The following TRPM8 variants were observed in gnomAD, a reference collection of about 807,000 sequenced individuals.
TRPM8 encodes TRPM8 cationic channel.
Under a neutral mutation model 133.7 loss-of-function variants are expected in TRPM8, and 110 were observed. The ratio of observed to expected loss-of-function variants is 0.82; its 90% CI spans 0.70 to 0.96. The LOEUF (loss-of-function observed/expected upper bound fraction) is 0.96, where lower values mean the gene tolerates loss of function less well. Ranked by LOEUF, TRPM8 falls within the 40% of genes least tolerant of loss-of-function variation. TRPM8 has a pLI of 0.00. For missense variants in TRPM8, 1,291 were observed against 1,379.5 expected (o/e 0.94, Z 1.02); for synonymous variants, 535 against 532.3 (o/e 1.01, Z -0.07).
At chr2:233,970,468 T>C in intron 17 of TRPM8, 42 bp downstream of exon 17, 1 of 1,561,410 alleles carries the variant, frequency 6.4e-7, no homozygotes, top group Non-Finnish European at 8.8e-7. Flanking sequence ...GCTTCCTCGG[T>C]GGGAGGCATC....
At chr2:233,977,141 C>T (rs1321335518) in intron 17 of TRPM8, among the ~76,000 whole-genome samples, 4 of 152,076 alleles carry the variant, frequency 2.6e-5, no homozygotes, top group African/African-American at 7.2e-5. Flanking sequence ...AATTTTGAAA[C>T]GAGGCAGTCA....
At chr2:233,919,307 C>T (rs973361988) in intron 1 of TRPM8, among the ~76,000 whole-genome samples, 17 of 152,234 alleles carry the variant, frequency 1.1e-4, no homozygotes, top group Admixed American at 2.0e-4. Context: ...AATAGTACCA[C>T]GGCCAACCTC....
chr2:233,968,159 T>C (rs573833347), intron 15 of TRPM8: 1 of 152,222 alleles, frequency 6.6e-6, no homozygotes, highest in South Asian at 2.1e-4. Flanking sequence ...GGCGTCTGCA[T>C]CACCCCAGCA....
chr2:233,970,426 G>C lies in TRPM8; in HGVS notation c.2355G>C (p.Gln785His). Residue 785 changes from glutamine (Q) to histidine (H), a missense_variant and splice_region_variant, in exon 17 of 26, where the codon CAG becomes CAC. Gln to His is a conservative substitution (Grantham distance 24). Around this residue, in one of 2 missense-constraint regions of TRPM8, gnomAD observed 328 missense variants for 410.6 expected, o/e 0.80. Transcript: ENST00000324695. ...VFVLFCDEVR[Q>H]WYVNGVNYFT... Reference sequence around the variant, plus strand: ...TCCTCTTCTGTGATGAAGTGAGACAGGTAGGGCTGCCATGACAGCAGGAAC... The same window carrying C: ...TCCTCTTCTGTGATGAAGTGAGACACGTAGGGCTGCCATGACAGCAGGAAC... 6.2e-7 allele frequency: 1 copy of C among 1,613,804 alleles called. No individual in the cohort carries two copies.
In TRPM8 at chr2:233,942,577, T is replaced by C. The variant is rs188698351; in HGVS notation, c.528T>C (p.Gly176=). 6.2e-7 allele frequency: 1 copy of C among 1,614,166 alleles called. No homozygotes were observed. Among genetic ancestry groups the C allele is most frequent in the Admixed American group, 1.7e-5 (1 of 60,034 alleles). Residue 176 remains glycine, a splice_region_variant and synonymous_variant, in exon 6 of 26, where the codon GGT becomes GGC. Transcript: ENST00000324695. ...SRLIYIAQSK[G]AWILTGGTHY... ...TTTACTCTTCCTATTTGTTGACAGG[T>C]GCTTGGATTCTCACGGGAGGCACCC...
intron 1 of TRPM8, among the ~76,000 whole-genome samples, chr2:233,918,384 A>T (rs926883730): frequency 6.6e-6 from 1 of 151,182 alleles, no homozygotes; most frequent in Middle Eastern, 3.2e-3. Context: ...ATTACAATTT[A>T]TAATAATAAT....
chr2:233,951,922 A>G (rs182036575), intron 9 of TRPM8, among the ~76,000 whole-genome samples: 1 of 152,262 alleles, frequency 6.6e-6, no homozygotes, highest in African/African-American at 2.4e-5. Flanking sequence ...GACTATGTGG[A>G]CAAGCAGCCC....
chr2:233,919,694 G>A (rs574342579), intron 1 of TRPM8, among the ~76,000 whole-genome samples: 8 of 151,990 alleles, frequency 5.3e-5, no homozygotes, highest in South Asian at 2.1e-4. Context: ...TTTATTACAA[G>A]TACAGTGCCT....
Position 233,969,784 on chromosome 2 carries a change from G to C in TRPM8, c.2115G>C (p.Val705=), listed in dbSNP as rs1203988281. 9 of 1,613,150 alleles carry C rather than the reference G, an allele frequency of 5.6e-6. No homozygotes were observed. Among genetic ancestry groups the C allele is most frequent in the Non-Finnish European group, 7.6e-6 (9 of 1,179,122 alleles). The change falls in exon 16 of 26, where the codon GTG becomes GTC. Residue 705 remains valine (V), a synonymous_variant. Transcript: ENST00000324695. The part of the protein sequence containing the change: ...IILCLFIIPL[V]GCGFVSFRKK... ...TGTGTCTGTTTATTATACCCTTGGT[G>C]GGCTGTGGCTTTGTATCATTTAGGT... is the stretch of plus-strand genomic sequence containing the variant.
At chr2:233,931,887 G>T (rs1691686264) in intron 3 of TRPM8, among the ~76,000 whole-genome samples, 1 of 152,178 alleles carries the variant, frequency 6.6e-6, no homozygotes, top group African/African-American at 2.4e-5. Flanking sequence ...CAACCTCCTT[G>T]CAAGGAAGCT....
intron 1 of TRPM8, among the ~76,000 whole-genome samples, chr2:233,922,969 C>T (rs1370037625): frequency 3.3e-5 from 5 of 152,048 alleles, no homozygotes; most frequent in South Asian, 2.1e-4. Flanking sequence ...CCCAGGTTCA[C>T]GCATTCTCCT....
chr2:233,970,178 G>A, intron 16 of TRPM8, 32 bp from the exon 17 acceptor site: 1 of 1,594,778 alleles, frequency 6.3e-7, no homozygotes, highest in South Asian at 1.1e-5. Context: ...TGCTTGCAAG[G>A]ATGCTGACGA....
chr2:233,996,108 A>C (rs78919064), intron 21 of TRPM8, among the ~76,000 whole-genome samples: 1 of 150,522 alleles, frequency 6.6e-6, no homozygotes, highest in African/African-American at 2.4e-5. Flanking sequence ...AAAAAAAAAA[A>C]CCACCAAAAG....
At chr2:233,988,760 T>A (rs1471969413) in intron 21 of TRPM8, among the ~76,000 whole-genome samples, 8 of 152,174 alleles carry the variant, frequency 5.3e-5, no homozygotes, top group Non-Finnish European at 1.2e-4. Flanking sequence ...CAGAAGCCTG[T>A]CTGACTCACA....
At position 233,989,198 on chromosome 2, in the gene TRPM8, T is replaced by G. The variant is rs1692217395; in HGVS notation, c.2939+3333T>G. 6.6e-6 allele frequency among the ~76,000 whole-genome samples: 1 copy of G among 152,212 alleles called. No individual in the cohort carries two copies. Among genetic ancestry groups the G allele is most frequent in the African/African-American group, 2.4e-5 (1 of 41,454 alleles). On this transcript the variant is annotated intron_variant, in intron 21 of 25. Coordinates refer to ENST00000324695, the MANE Select transcript of TRPM8 (RefSeq NM_024080.5). This position sits in a 1 kb window ranked among gnomAD's most constrained non-coding sequence, Gnocchi z 4.2. ...GCACTTTTGTAATCCATTACCTGCA[T>G]TTTGATAATGAAATGATTGAATTTG...
rs1363560385 is a variant in TRPM8, at chr2:234,003,293, T to TTTAAC, written c.3131-3560_3131-3559insTTAAC. ...CAGCATTATTTTAAAATGTTAAATG[T>TTTAAC]CACTTTGGGGATGTCATTAACGATC... On this transcript the variant is annotated intron_variant, in intron 22 of 25. Coordinates refer to ENST00000324695, the MANE Select transcript of TRPM8 (RefSeq NM_024080.5). 1.7e-4 allele frequency among the ~76,000 whole-genome samples: 26 copies of TTTAAC among 152,368 alleles called. No individual in the cohort carries two copies. In the East Asian group the frequency reaches 4.8e-3, roughly 28 times the overall value.
chr2:233,979,902 C>T (rs1691963430), intron 17 of TRPM8, among the ~76,000 whole-genome samples: 1 of 152,162 alleles, frequency 6.6e-6, no homozygotes, highest in South Asian at 2.1e-4. Context: ...AGGGTGTACT[C>T]ACCCTCTGCA....
chr2:233,955,667 G>A (rs1037872009), intron 11 of TRPM8, among the ~76,000 whole-genome samples: 2 of 152,080 alleles, frequency 1.3e-5, no homozygotes, highest in African/African-American at 4.8e-5. Flanking sequence ...CACCTGCCTA[G>A]CCAAATTCTG....
intron 22 of TRPM8, among the ~76,000 whole-genome samples, chr2:233,999,549 C>A (rs1432969478): frequency 6.6e-6 from 1 of 151,346 alleles, no homozygotes; most frequent in Non-Finnish European, 1.5e-5. Flanking sequence ...TGGCCACCTA[C>A]CACTCTAGGC....
Sources: allele counts gnomAD v4.1 joint callset (sites outside exome capture counted in the v4.1 genomes callset), GRCh38; gene constraint gnomAD v4.1.1; regional missense constraint gnomAD v4.1.1; non-coding constraint Gnocchi (gnomAD v3.1); transcripts MANE v1.5; gene names NCBI Gene and HGNC (gene_info 2026-07-23, HGNC 2026-07-21).